PTPRF: variants seen among roughly 807,000 people sequenced by gnomAD.
The protein encoded by PTPRF is receptor-type tyrosine-protein phosphatase F.
Under a neutral mutation model 201.8 loss-of-function variants are expected in PTPRF, and 59 were observed. The ratio of observed to expected loss-of-function variants is 0.29; its 90% CI spans 0.24 to 0.36. PTPRF has a LOEUF of 0.36. PTPRF is among the 10% of genes least tolerant of loss of function. The probability of loss-of-function intolerance (pLI) is 1.00; values close to 1 mark genes in which losing one functional copy is unlikely to be tolerated. For synonymous variants in PTPRF, 1,088 were observed against 1,089.7 expected (o/e 1.00, Z 0.03); for missense variants, 2,132 against 2,690.5 (o/e 0.79, Z 4.59).
At chr1:43,605,025 A>G (rs1411853643) in intron 17 of PTPRF, 25 bp downstream of exon 17, 3 of 1,607,222 alleles carry the variant, frequency 1.9e-6, no homozygotes, top group South Asian at 1.1e-5. Flanking sequence ...CGGCCAGCTG[A>G]GCCTGGCACA....
intron 3 of PTPRF, among the ~76,000 whole-genome samples, chr1:43,550,063 G>A (rs1016911460): frequency 2.6e-5 from 4 of 151,838 alleles, no homozygotes; most frequent in African/African-American, 9.7e-5. Context: ...AGGTGGATTG[G>A]AGGGAAGCGG....
At chr1:43,573,952 C>CA (rs60757906) in intron 6 of PTPRF, among the ~76,000 whole-genome samples, 14,733 of 139,072 alleles carry the variant, frequency 0.11, 1,018 homozygotes, top group African/African-American at 0.18. Flanking sequence ...CAGAGAACCT[C>CA]AAAGAGGGTT....
intron 7 of PTPRF, chr1:43,579,396 A>T (rs1244617655): frequency 5.5e-6 from 2 of 364,974 alleles, no homozygotes; most frequent in Non-Finnish European, 1.1e-5. Flanking sequence ...AGGCCTCAGG[A>T]ACGGACCAGG....
intron 13 of PTPRF, among the ~76,000 whole-genome samples, chr1:43,601,296 A>G (rs939949778): frequency 6.6e-6 from 1 of 152,186 alleles, no homozygotes; most frequent in African/African-American, 2.4e-5. Flanking sequence ...CATCTAGAAT[A>G]TCTACATGCA....
intron 23 of PTPRF, among the ~76,000 whole-genome samples, chr1:43,617,122 G>T (rs1057418218): frequency 6.6e-6 from 1 of 151,896 alleles, no homozygotes; most frequent in Non-Finnish European, 1.5e-5. Flanking sequence ...CTGAGAGGGG[G>T]CCACCACCTG....
At chr1:43,620,040 G>A (rs906205718) in intron 29 of PTPRF, 55 bp from the exon 30 acceptor site, 2 of 1,609,330 alleles carry the variant, frequency 1.2e-6, no homozygotes, top group East Asian at 2.2e-5. Flanking sequence ...CAGCCTAAGG[G>A]GAGACTCTAG....
rs570743034 is a variant in PTPRF, at chr1:43,622,076, G to A, written c.*73G>A. On this transcript the variant is annotated 3_prime_UTR_variant, in exon 34 of 34. Coordinates refer to ENST00000359947, the MANE Select transcript of PTPRF (RefSeq NM_002840.5). The stretch of plus-strand genomic sequence containing the variant: ...GGACCCAGCTCCTCTGAGCCATACC[G>A]ACCATCGTCCAGCCCTCCTACGCAG... 3.5e-3 allele frequency: 5,236 copies of A among 1,501,606 alleles called. 17 individuals carry two copies. The highest frequency in any genetic ancestry group is 3.6e-3 in the Non-Finnish European group (3,922 of 1,081,038). 93.0% of individuals were successfully genotyped at this position (1,501,606 alleles called of 1,614,324 possible).
At chr1:43,597,606 G>A (rs1300729944) in intron 11 of PTPRF, 142 bp from the exon 12 acceptor site, 2 of 652,800 alleles carry the variant, frequency 3.1e-6, no homozygotes, top group East Asian at 5.5e-5. Flanking sequence ...GCAGCAGCCT[G>A]CCTGGAGGGA....
At position 43,603,441 on chromosome 1, in the gene PTPRF, C is replaced by A. The variant is rs1187179916; in HGVS notation, c.2366C>A (p.Pro789Gln). Residue 789 changes from proline to glutamine, a missense_variant, in exon 15 of 34, where the codon CCG becomes CAG. Coordinates refer to ENST00000359947, the MANE Select transcript of PTPRF (RefSeq NM_002840.5). This position sits in a 1 kb window ranked among gnomAD's most constrained non-coding sequence, Gnocchi z 5.8. Reference protein sequence around the residue: ...DYETTISGLTPETTYSVTVAA... With the variant: ...DYETTISGLTQETTYSVTVAA... ...GAAACCACTATCAGCGGCCTGACCC[C>A]GGAGACCACCTACTCCGTTACTGTT... 6.8e-6 allele frequency: 11 copies of A among 1,614,040 alleles called. No individual in the cohort carries two copies. The highest frequency in any genetic ancestry group is 1.3e-5 in the African/African-American group (1 of 74,918).
intron 1 of PTPRF, among the ~76,000 whole-genome samples, chr1:43,532,181 G>A (rs1305717175): frequency 1.3e-5 from 2 of 151,996 alleles, no homozygotes; most frequent in Non-Finnish European, 2.9e-5. Context: ...TCTGTGCTAG[G>A]CGCCCCCCCA....
At position 43,546,732 on chromosome 1, in the gene PTPRF, C is replaced by T. The variant is rs980546945; in HGVS notation, c.91+1566C>T. Reference sequence around the variant, plus strand: ...CGCCCCAACCTGTACCCCTCACTCTCATCCCCCAGCCTGCTGTCTTCCCGT... The same window carrying T: ...CGCCCCAACCTGTACCCCTCACTCTTATCCCCCAGCCTGCTGTCTTCCCGT... On this transcript the variant is annotated intron_variant, in intron 3 of 33. Transcript: ENST00000359947. This position sits in a 1 kb window ranked among gnomAD's most constrained non-coding sequence, Gnocchi z 4.2. 6.6e-6 allele frequency among the ~76,000 whole-genome samples: 1 copy of T among 152,108 alleles called. No individual in the cohort carries two copies. The highest frequency in any genetic ancestry group is 2.4e-5 in the African/African-American group (1 of 41,402).
intron 22 of PTPRF, chr1:43,612,855 C>T (rs758484600): frequency 1.5e-6 from 2 of 1,298,406 alleles, no homozygotes; most frequent in Non-Finnish European, 2.1e-6. Flanking sequence ...GTGTCTGTTT[C>T]CACTCCTTAC....
chr1:43,555,021 T>C (rs1267264238), intron 5 of PTPRF, among the ~76,000 whole-genome samples: 1 of 151,818 alleles, frequency 6.6e-6, no homozygotes, highest in Non-Finnish European at 1.5e-5. Flanking sequence ...CCTGGCTAAT[T>C]TTGTATTATT....
intron 23 of PTPRF, among the ~76,000 whole-genome samples, chr1:43,615,176 G>A (rs913279887): frequency 6.6e-6 from 1 of 152,202 alleles, no homozygotes; most frequent in Non-Finnish European, 1.5e-5. Flanking sequence ...AGCTGGGCTT[G>A]GCAGGCAAAT....
intron 31 of PTPRF, 81 bp from the exon 32 acceptor site, chr1:43,620,757 A>G (rs1431674784): frequency 5.8e-6 from 9 of 1,545,900 alleles, no homozygotes; most frequent in South Asian, 3.7e-5. Flanking sequence ...TGCCTGTATC[A>G]TGGTACTACC....
rs930556506 is a variant in PTPRF at position 43,546,567 on chromosome 1, C to G, written c.91+1401C>G. On this transcript the variant is annotated intron_variant, in intron 3 of 33. Coordinates refer to ENST00000359947, the MANE Select transcript of PTPRF (RefSeq NM_002840.5). This position sits in a 1 kb window ranked among gnomAD's most constrained non-coding sequence, Gnocchi z 4.2. ...GACATTGAAGTACTGTCCTTGCCCT[C>G]CCCGCCGACCCAACCCCAGGCACTT... is the stretch of plus-strand genomic sequence containing the variant. Among the ~76,000 whole-genome samples, 1 of 152,094 alleles carries G rather than the reference C, an allele frequency of 6.6e-6. No individual in the cohort carries two copies. Among genetic ancestry groups the G allele is most frequent in the East Asian group, 1.9e-4 (1 of 5,184 alleles).
Position 43,591,952 on chromosome 1 carries a change from T to A in PTPRF, c.1668+4T>A, listed in dbSNP as rs373856519. 107 of 1,613,390 alleles carry A rather than the reference T, an allele frequency of 6.6e-5. No homozygotes were observed. Among genetic ancestry groups the A allele is most frequent in the Non-Finnish European group, 9.1e-5 (107 of 1,179,882 alleles). On this transcript the variant is annotated splice_donor_region_variant and intron_variant, in intron 10 of 33. Transcript: ENST00000359947. ...GGCAGAGGACGAAGACCAACAGGTG[T>A]GCAGCGGGCAGAGAAGCACTGAGGG... is the stretch of plus-strand genomic sequence containing the variant.
At chr1:43,555,052 A>G (rs1196146006) in intron 5 of PTPRF, among the ~76,000 whole-genome samples, 1 of 151,846 alleles carries the variant, frequency 6.6e-6, no homozygotes, top group Non-Finnish European at 1.5e-5. Context: ...GAGTTTTACC[A>G]TGTTGGTCAG....
In PTPRF at chr1:43,619,747, A is replaced by G; in HGVS notation, c.5000A>G (p.Lys1667Arg). The G allele has an allele frequency of 6.2e-7, 1 of 1,614,258 alleles. No individual in the cohort carries two copies. The highest frequency in any genetic ancestry group is 8.5e-7 in the Non-Finnish European group (1 of 1,180,032). ...ISANLPCNKFKNRLVNIMPYE... is the reference protein window; with the variant it reads ...ISANLPCNKFRNRLVNIMPYE... The stretch of plus-strand genomic sequence containing the variant: ...GCCAACCTGCCCTGCAACAAGTTCA[A>G]GAACCGGCTGGTGAACATCATGCCC... The change falls in exon 29 of 34, where the codon AAG (lysine) becomes AGG (arginine). Residue 1667 changes from lysine (K) to arginine (R), a missense_variant. Lys to Arg is a conservative substitution (Grantham distance 26, BLOSUM62 2). Transcript: ENST00000359947.
Sources: allele counts gnomAD v4.1 joint callset (sites outside exome capture counted in the v4.1 genomes callset), GRCh38; gene constraint gnomAD v4.1.1; non-coding constraint Gnocchi (gnomAD v3.1); transcripts MANE v1.5; gene names NCBI Gene and HGNC (gene_info 2026-07-23, HGNC 2026-07-21).